GSAP: variants seen among roughly 807,000 people sequenced by gnomAD.
GSAP encodes the protein gamma-secretase activating protein.
In GSAP, 118 loss-of-function variants were observed where a neutral mutation model predicts 131.7. The observed-to-expected ratio is 0.90, with a 90% CI of 0.77 to 1.04. The LOEUF is 1.04. Among genes scored for constraint, GSAP ranks in the 50% least tolerant of loss-of-function variants. The pLI, the probability that GSAP is intolerant of heterozygous loss-of-function variation, is 0.00. For missense variants in GSAP, 1,019 were observed against 1,013.2 expected, an observed-to-expected ratio of 1.01 and a Z score of -0.08; for synonymous variants, 381 against 363.4, an observed-to-expected ratio of 1.05 and a Z score of -0.55.
intron 8 of GSAP, among the ~76,000 whole-genome samples, chr7:77,377,959 C>T (rs193271544): frequency 1.3e-5 from 2 of 152,288 alleles, no homozygotes; most frequent in East Asian, 3.9e-4. Context: ...TTCTTCAAGA[C>T]CTGACTTACA....
intron 27 of GSAP, 66 bp downstream of exon 27, chr7:77,314,302 ACC>A: frequency 1.3e-6 from 2 of 1,580,984 alleles, no homozygotes; most frequent in East Asian, 4.5e-5. Context: ...CAGGTTGCAC[ACC>A]CAAGAAGCTA....
intron 3 of GSAP, among the ~76,000 whole-genome samples, chr7:77,402,411 A>AT (rs374848303): frequency 0.11 from 14,499 of 136,052 alleles, 839 homozygotes; most frequent in Middle Eastern, 0.14. Flanking sequence ...AGAAAAAAAA[A>AT]ATATATATAT....
At chr7:77,349,311 C>T (rs1012173573) in intron 19 of GSAP, 40 bp downstream of exon 19, 2 of 1,447,770 alleles carry the variant, frequency 1.4e-6, no homozygotes, top group African/African-American at 2.8e-5. Flanking sequence ...GAGCTTTAGT[C>T]ATGTATCTGT....
intron 17 of GSAP, 47 bp downstream of exon 17, chr7:77,353,524 CA>C (rs1398936608): frequency 1.6e-6 from 2 of 1,277,370 alleles, no homozygotes. Context: ...TTCCCTCAAG[CA>C]AAAAGGTCAA....
intron 1 of GSAP, among the ~76,000 whole-genome samples, chr7:77,413,376 G>T (rs891390208): frequency 6.6e-6 from 1 of 152,212 alleles, no homozygotes; most frequent in Admixed American, 6.5e-5. Flanking sequence ...AGCCCTCTTG[G>T]CAGGCAATCC....
At chr7:77,407,606 T>TA (rs1802515960) in intron 1 of GSAP, among the ~76,000 whole-genome samples, 1 of 152,218 alleles carries the variant, frequency 6.6e-6, no homozygotes, top group African/African-American at 2.4e-5. Context: ...CTAAAAGTTG[T>TA]AACAGGCATC....
intron 5 of GSAP, among the ~76,000 whole-genome samples, chr7:77,389,257 TATA>T (rs1799048260): frequency 6.6e-6 from 1 of 151,860 alleles, no homozygotes; most frequent in Non-Finnish European, 1.5e-5. Flanking sequence ...TGTATATATA[TATA>T]TTTTTTTGAC....
In GSAP at chr7:77,387,362, G is replaced by A. The variant is rs1053046571; in HGVS notation, c.454C>T (p.Gln152Ter). Residue 152 changes from glutamine (Q) to a stop codon, truncating the protein, a stop_gained and splice_region_variant, in exon 6 of 31, where the codon CAG becomes TAG. Transcript: ENST00000257626. LOFTEE classifies it high-confidence loss of function. ...TGATAAATGGCATGCTTACTTACCT[G>A]AACCCAAATATAGCTATCCACAGCC... ...LKAVDSYIWV[Q>*]FLYPHIESHP... 2.0e-6 allele frequency: 3 copies of A among 1,521,670 alleles called. No individual in the cohort carries two copies. The Admixed American group carries it at 5.0e-5, about 25-fold the overall frequency. The allele number at this position is 1,521,670 out of a possible 1,614,324, so 94.3% of individuals were successfully genotyped here.
chr7:77,377,258 A>AAAAAAAAGG, intron 9 of GSAP, 28 bp downstream of exon 9: 1 of 1,400,736 alleles, frequency 7.1e-7, no homozygotes, highest in Non-Finnish European at 9.4e-7. Flanking sequence ...AAAAAAAAAA[A>AAAAAAAAGG]GGAGTGCCCG....
At chr7:77,320,364 G>A (rs1210217666) in intron 26 of GSAP, among the ~76,000 whole-genome samples, 1 of 152,124 alleles carries the variant, frequency 6.6e-6, no homozygotes, top group Admixed American at 6.5e-5. Flanking sequence ...TCAATTCTTG[G>A]CACCAAGCCA....
chr7:77,357,085 A>C (rs1412083076), intron 14 of GSAP, among the ~76,000 whole-genome samples: 2 of 152,220 alleles, frequency 1.3e-5, no homozygotes, highest in Non-Finnish European at 2.9e-5. Context: ...TTAACTAGTT[A>C]ATTAGGATGG....
chr7:77,313,527 AT>A lies in GSAP; in HGVS notation c.2231del (p.Asn744MetfsTer4). ...CAATGATACTGAATTTCAGTTTTTCATTTTTCTCTGTATTATCCAGATCTAC... is the reference window on the plus strand; with the variant it reads ...CAATGATACTGAATTTCAGTTTTTCATTTTCTCTGTATTATCCAGATCTAC... ...LMKDLDNTEK[N>X]EKLKFSIIVR... On this transcript the variant is annotated frameshift_variant, in exon 28 of 31. Coordinates refer to ENST00000257626, the MANE Select transcript of GSAP (RefSeq NM_017439.4). LOFTEE classifies it high-confidence loss of function. 2.6e-6 allele frequency: 4 copies of A among 1,555,440 alleles called. No homozygotes were observed. The highest frequency in any genetic ancestry group is 3.5e-6 in the Non-Finnish European group (4 of 1,128,032).
chr7:77,377,258 A>AAAAAAT, intron 9 of GSAP, 28 bp downstream of exon 9: 1 of 1,400,726 alleles, frequency 7.1e-7, no homozygotes, highest in Non-Finnish European at 9.4e-7. Flanking sequence ...AAAAAAAAAA[A>AAAAAAT]GGAGTGCCCG....
intron 19 of GSAP, chr7:77,331,912 G>C (rs1440779117): frequency 1.5e-5 from 2 of 130,166 alleles, no homozygotes; most frequent in Non-Finnish European, 3.3e-5. Flanking sequence ...AAAAAAAAAA[G>C]ACAAGACAAA....
At position 77,391,179 on chromosome 7, in the gene GSAP, T is replaced by A. The variant is rs559187335; in HGVS notation, c.368-3731A>T. On this transcript the variant is annotated intron_variant, in intron 5 of 30. Coordinates refer to ENST00000257626, the MANE Select transcript of GSAP (RefSeq NM_017439.4). ...GAAAAAGAATAACCATATATTTGGC[T>A]TTTTTTTTTAAGCAGGAATTTGTAC... is the stretch of plus-strand genomic sequence containing the variant. Among the ~76,000 whole-genome samples, 9 of 121,234 alleles carry A rather than the reference T, an allele frequency of 7.4e-5. No individual in the cohort carries two copies. In the South Asian group the frequency reaches 2.3e-3, roughly 31 times the overall value. 79.5% of individuals were successfully genotyped at this position (121,234 alleles called of 152,430 possible).
chr7:77,350,615 C>T (rs1584423069), intron 18 of GSAP, among the ~76,000 whole-genome samples: 3 of 150,742 alleles, frequency 2.0e-5, no homozygotes, highest in South Asian at 2.1e-4. Context: ...TGGTGGCAGG[C>T]GCCTGTATTT....
At chr7:77,408,703 A>G (rs1486351234) in intron 1 of GSAP, among the ~76,000 whole-genome samples, 1 of 151,512 alleles carries the variant, frequency 6.6e-6, no homozygotes, top group East Asian at 1.9e-4. Flanking sequence ...AAAAAAAAAA[A>G]AAAAAAAAAA....
chr7:77,325,186 T>C (rs1297883920), intron 23 of GSAP, among the ~76,000 whole-genome samples: 1 of 152,178 alleles, frequency 6.6e-6, no homozygotes, highest in Non-Finnish European at 1.5e-5. Flanking sequence ...ATTTCCTTCT[T>C]GTATATGTGA....
chr7:77,329,127 G>A (rs1788718664), intron 21 of GSAP, among the ~76,000 whole-genome samples: 1 of 152,082 alleles, frequency 6.6e-6, no homozygotes, highest in African/African-American at 2.4e-5. Flanking sequence ...AGTCTATAAG[G>A]TTCAACATAT....
Sources: allele counts gnomAD v4.1 joint callset (sites outside exome capture counted in the v4.1 genomes callset), GRCh38; gene constraint gnomAD v4.1.1; transcripts MANE v1.5; gene names NCBI Gene and HGNC (gene_info 2026-07-23, HGNC 2026-07-21).